DOCK10: variants seen among roughly 807,000 people sequenced by gnomAD.
DOCK10 encodes dedicator of cytokinesis protein 10.
Under a neutral mutation model 280.1 loss-of-function variants are expected in DOCK10, and 145 were observed. The observed-to-expected ratio is 0.52, with a 90% CI of 0.45 to 0.59. The LOEUF is 0.59. DOCK10 is among the 20% of genes least tolerant of loss of function. The pLI is 0.00. For missense variants in DOCK10, 2,368 were observed against 2,651.7 expected, an observed-to-expected ratio of 0.89 and a Z score of 2.35; for synonymous variants, 915 against 942.2, an observed-to-expected ratio of 0.97 and a Z score of 0.53.
At chr2:225,015,545 C>T (rs1247995910) in intron 1 of DOCK10, among the ~76,000 whole-genome samples, 1 of 152,176 alleles carries the variant, frequency 6.6e-6, no homozygotes, top group East Asian at 1.9e-4. Flanking sequence ...CTCCACCAAC[C>T]AGGCGGGCCC....
At chr2:224,822,996 C>CTT (rs750802136) in intron 28 of DOCK10, among the ~76,000 whole-genome samples, 2 of 141,040 alleles carry the variant, frequency 1.4e-5, no homozygotes, top group African/African-American at 2.6e-5. Flanking sequence ...TTCTTCCTGT[C>CTT]TTTTTTTTTT....
chr2:224,952,209 G>A (rs979054618), intron 1 of DOCK10, among the ~76,000 whole-genome samples: 4 of 152,202 alleles, frequency 2.6e-5, no homozygotes, highest in African/African-American at 9.7e-5. Context: ...TGGAGGGGAC[G>A]TCTTTAAAAT....
chr2:224,795,166 T>C, intron 44 of DOCK10, 72 bp from the exon 45 acceptor site: 1 of 1,372,140 alleles, frequency 7.3e-7, no homozygotes, highest in Admixed American at 1.9e-5. Flanking sequence ...AGTTATGCTA[T>C]TAATTATGGC....
At chr2:225,025,121 G>A (rs1437284031) in intron 1 of DOCK10, among the ~76,000 whole-genome samples, 1 of 152,182 alleles carries the variant, frequency 6.6e-6, no homozygotes, top group African/African-American at 2.4e-5. Context: ...TTAAGCAGGT[G>A]CCCAGTGCAA....
In DOCK10 at chr2:224,886,201, A is replaced by C; in HGVS notation, c.490-16T>G. The C allele has an allele frequency of 6.2e-7, 1 of 1,613,706 alleles. No homozygotes were observed. On this transcript the variant is annotated splice_polypyrimidine_tract_variant and intron_variant, in intron 5 of 55. Coordinates refer to ENST00000258390, the MANE Select transcript of DOCK10 (RefSeq NM_014689.3). Reference sequence around the variant, plus strand: ...AAGTGGTATCCTGTAGGAAAGGCATAGTAGCATGACAGCCATCTTTTGTGG... The same window carrying C: ...AAGTGGTATCCTGTAGGAAAGGCATCGTAGCATGACAGCCATCTTTTGTGG...
At chr2:224,848,015 A>T (rs1184431994) in intron 19 of DOCK10, among the ~76,000 whole-genome samples, 1 of 152,236 alleles carries the variant, frequency 6.6e-6, no homozygotes, top group Admixed American at 6.5e-5. Context: ...AGGCAGAGTC[A>T]TAAGAGAAAT....
At chr2:225,021,716 T>C (rs142587061) in intron 1 of DOCK10, among the ~76,000 whole-genome samples, 1 of 152,316 alleles carries the variant, frequency 6.6e-6, no homozygotes, top group African/African-American at 2.4e-5. Context: ...GTTTTTGTTG[T>C]TGTTGTTCTG....
chr2:224,773,339 G>C lies in DOCK10; in HGVS notation c.6022C>G (p.Leu2008Val). The change falls in exon 53 of 56, where the codon CTG becomes GTG. Residue 2008 changes from leucine to valine, a missense_variant. This residue lies in a region of DOCK10 where 1,159 missense variants were observed against 1,400.8 expected (regional missense o/e 0.83). Transcript: ENST00000258390. ...KRRTILTTSH[L>V]FPYVKKRIQV... ...ATTCTCTTCTTCACGTAGGGGAACA[G>C]GTGACTCGCTGTACAAAAGCCATAC... 7.5e-6 allele frequency: 12 copies of C among 1,610,322 alleles called. No individual in the cohort carries two copies. Among genetic ancestry groups the C allele is most frequent in the Non-Finnish European group, 1.0e-5 (12 of 1,178,276 alleles).
intron 1 of DOCK10, among the ~76,000 whole-genome samples, chr2:224,940,300 T>C (rs1424115860): frequency 3.3e-5 from 5 of 152,218 alleles, no homozygotes; most frequent in Non-Finnish European, 7.3e-5. Context: ...CTCTTCCTTC[T>C]GTCCCCTTCT....
intron 7 of DOCK10, among the ~76,000 whole-genome samples, chr2:224,880,270 A>G (rs1279735210): frequency 2.0e-5 from 3 of 152,238 alleles, no homozygotes; most frequent in Non-Finnish European, 2.9e-5. Flanking sequence ...CTCAAGAACT[A>G]AATTACCTTC....
At chr2:224,998,243 T>A (rs1319897015) in intron 1 of DOCK10, among the ~76,000 whole-genome samples, 1 of 152,238 alleles carries the variant, frequency 6.6e-6, no homozygotes, top group African/African-American at 2.4e-5. Flanking sequence ...TGTAAGTTTT[T>A]AATACATTTT....
rs1429610476 is a variant in DOCK10 at position 224,792,581 on chromosome 2, C to A, written c.5311+393G>T. On this transcript the variant is annotated intron_variant, in intron 47 of 55. Transcript: ENST00000258390. The stretch of plus-strand genomic sequence containing the variant: ...TACAGGCGTGAGCCACCGCGCCTGG[C>A]CCTATCTTTTATTTGGAATAAACAG... Among the ~76,000 whole-genome samples the A allele has an allele frequency of 4.6e-5, 7 of 152,276 alleles. 1 individual carries two copies. In the East Asian group the frequency reaches 1.4e-3, roughly 29 times the overall value.
chr2:224,848,277 A>G (rs894887030), intron 19 of DOCK10, among the ~76,000 whole-genome samples: 3 of 152,386 alleles, frequency 2.0e-5, no homozygotes, highest in African/African-American at 4.8e-5. Context: ...GAAAGCAGCC[A>G]TAGAAAACGT....
intron 1 of DOCK10, among the ~76,000 whole-genome samples, chr2:224,986,919 G>A (rs13431564): frequency 0.055 from 8,383 of 152,224 alleles, 282 homozygotes; most frequent in Middle Eastern, 0.1. Context: ...CTCGGAGAAA[G>A]GCTCTTAATT....
At chr2:224,834,914 A>T (rs1174948247) in intron 25 of DOCK10, among the ~76,000 whole-genome samples, 1 of 152,216 alleles carries the variant, frequency 6.6e-6, no homozygotes, top group Non-Finnish European at 1.5e-5. Context: ...TAAAGTTCAA[A>T]TATAAAATGC....
At position 224,874,731 on chromosome 2, in the gene DOCK10, T is replaced by G; in HGVS notation, c.952A>C (p.Thr318Pro). 1 of 1,613,858 alleles carries G rather than the reference T, an allele frequency of 6.2e-7. No homozygotes were observed. ...LGLDSLDNSV[T>P]CECTPEETDS... ...GTTTCCTCTGGCGTGCATTCACAAG[T>G]TACAGAATTATCCAGCGAATCTTAA... is the stretch of plus-strand genomic sequence containing the variant. The change falls in exon 9 of 56, where the codon ACT becomes CCT. Residue 318 changes from threonine (T) to proline (P), a missense_variant. By Grantham distance (38) the Thr-to-Pro change is conservative. Around this residue, in one of 2 missense-constraint regions of DOCK10, gnomAD observed 1,209 missense variants for 1,250.9 expected, o/e 0.97. Coordinates refer to ENST00000258390, the MANE Select transcript of DOCK10 (RefSeq NM_014689.3).
intron 1 of DOCK10, among the ~76,000 whole-genome samples, chr2:224,961,428 TTC>T (rs1212655256): frequency 2.4e-5 from 3 of 124,610 alleles, no homozygotes; most frequent in African/African-American, 5.8e-5. Flanking sequence ...CTTTCTTTCT[TTC>T]TTTCTTTCTT....
Position 224,844,773 on chromosome 2 carries a change from C to G in DOCK10, c.2548G>C (p.Val850Leu), listed in dbSNP as rs1246662517. The G allele has an allele frequency of 1.4e-5, 23 of 1,599,532 alleles. No individual in the cohort carries two copies. Among genetic ancestry groups the G allele is most frequent in the Admixed American group, 1.7e-5 (1 of 58,296 alleles). The change falls in exon 22 of 56, where the codon GTA becomes CTA. Residue 850 changes from valine (V) to leucine (L), a missense_variant. Val to Leu is a conservative substitution (Grantham distance 32). Around this residue, in one of 2 missense-constraint regions of DOCK10, gnomAD observed 1,209 missense variants for 1,250.9 expected, o/e 0.97. Transcript: ENST00000258390. ...CTCACCTGAGTATTTACTGTTGATA[C>G]AACAAATGTCGACACTTTGAAAAGT... ...KPLFKVSTFVVSTVNTQDPHV... is the reference protein window; with the variant it reads ...KPLFKVSTFVLSTVNTQDPHV...
At chr2:224,928,410 G>T (rs1406204467) in intron 2 of DOCK10, among the ~76,000 whole-genome samples, 1 of 152,162 alleles carries the variant, frequency 6.6e-6, no homozygotes, top group African/African-American at 2.4e-5. Context: ...ATGGGTATCA[G>T]AATTTGAATT....
Sources: gnomAD v4.1 joint callset for allele counts (sites outside exome capture counted in the v4.1 genomes callset) on GRCh38, gnomAD v4.1.1 for gene constraint, gnomAD v4.1.1 regional missense constraint, MANE v1.5 for transcripts, NCBI Gene and HGNC (gene_info 2026-07-23, HGNC 2026-07-21) for gene names.